Variants in DNAH3 observed in about 807,000 individuals in gnomAD.
DNAH3 encodes dynein axonemal heavy chain 3, also known as axonemal beta dynein heavy chain 3.
A neutral mutation model predicts 432.5 loss-of-function variants in DNAH3; 332 were observed. That is an observed-to-expected ratio of 0.77 (90% CI 0.70 to 0.84). The LOEUF (loss-of-function observed/expected upper bound fraction) is 0.84. Ranked by LOEUF, DNAH3 falls within the 40% of genes least tolerant of loss-of-function variation. The pLI is 0.00. For missense variants in DNAH3, 4,861 were observed against 5,114.0 expected, an observed-to-expected ratio of 0.95 and a Z score of 1.51; for synonymous variants, 1,956 against 1,900.2, an observed-to-expected ratio of 1.03 and a Z score of -0.76.
intron 21 of DNAH3, among the ~76,000 whole-genome samples, chr16:21,071,193 A>G (rs1162197837): frequency 4.0e-5 from 6 of 151,810 alleles, no homozygotes; most frequent in Admixed American, 2.6e-4. Context: ...CAGGCAAATG[A>G]CACCACGCCC....
chr16:21,142,833 T>C (rs2092738092), intron 3 of DNAH3, among the ~76,000 whole-genome samples: 1 of 152,022 alleles, frequency 6.6e-6, no homozygotes, highest in Admixed American at 6.6e-5. Context: ...TTCCTATCTT[T>C]TGTAGAGACG....
exon 57 of DNAH3, chr16:20,948,602 T>C (rs1460093782): frequency 6.2e-7 from 1 of 1,614,034 alleles, no homozygotes; most frequent in South Asian, 1.1e-5. Flanking sequence ...CGCCGGTCTT[T>C]GTCATCAGTC....
chr16:21,020,573 T>C (rs2088156099), intron 40 of DNAH3, among the ~76,000 whole-genome samples: 1 of 149,888 alleles, frequency 6.7e-6, no homozygotes, highest in Admixed American at 6.7e-5. Flanking sequence ...CTGCTAATTT[T>C]TGTATTTTTA....
At chr16:21,133,574 T>C (rs6497532) in intron 7 of DNAH3, among the ~76,000 whole-genome samples, 42,890 of 151,580 alleles carry the variant, frequency 0.28, 6,213 homozygotes, top group African/African-American at 0.34. Flanking sequence ...AACCCCATCT[T>C]GACTAAAGAT....
At chr16:20,970,180 G>A (rs924086121) in intron 51 of DNAH3, among the ~76,000 whole-genome samples, 190 bp from the exon 52 acceptor site, 2 of 152,158 alleles carry the variant, frequency 1.3e-5, no homozygotes, top group African/African-American at 4.8e-5. Flanking sequence ...ACACATGCAT[G>A]GCCTTTTGGG....
chr16:20,965,538 G>T, intron 52 of DNAH3, 113 bp from the exon 53 acceptor site: 1 of 900,598 alleles, frequency 1.1e-6, no homozygotes, highest in Non-Finnish European at 1.6e-6. Flanking sequence ...AACATGGTCT[G>T]AGAGGCCCAG....
chr16:21,055,157 A>G (rs1488036984), intron 27 of DNAH3, among the ~76,000 whole-genome samples: 2 of 151,506 alleles, frequency 1.3e-5, no homozygotes, highest in Non-Finnish European at 2.9e-5. Flanking sequence ...ATTTATTTTG[A>G]GACAGAGCCT....
intron 57 of DNAH3, among the ~76,000 whole-genome samples, chr16:20,946,837 T>C (rs2084068627): frequency 1.4e-5 from 2 of 145,330 alleles, no homozygotes; most frequent in African/African-American, 5.1e-5. Flanking sequence ...TTTTTTTTTT[T>C]TTTTTTTGAG....
At position 20,954,582 on chromosome 16, in the gene DNAH3, G is replaced by A. The variant is rs144535279; in HGVS notation, c.11071+231C>T. 3.2e-3 allele frequency among the ~76,000 whole-genome samples: 489 copies of A among 152,062 alleles called. 3 individuals carry two copies. The highest frequency in any genetic ancestry group is 0.011 in the African/African-American group (456 of 41,468). On this transcript the variant is annotated intron_variant, in intron 55 of 61. Transcript: ENST00000261383. Reference sequence around the variant, plus strand: ...TGGGATTAAAGGCACAAGTCACCACGCCCAGCCAGGTTGTCAGATTTAGCA... The same window carrying A: ...TGGGATTAAAGGCACAAGTCACCACACCCAGCCAGGTTGTCAGATTTAGCA...
chr16:20,944,158 A>AAAG (rs543157288), intron 58 of DNAH3, among the ~76,000 whole-genome samples: 3 of 151,176 alleles, frequency 2.0e-5, no homozygotes, highest in African/African-American at 4.9e-5. Context: ...TTAAAAAAAA[A>AAAG]AGAGAGTTAG....
At position 20,987,544 on chromosome 16, in the gene DNAH3, T is replaced by C. The variant is rs985515406; in HGVS notation, c.6883-96A>G. On this transcript the variant is annotated intron_variant, in intron 46 of 61. Coordinates refer to ENST00000261383, the Ensembl canonical transcript of DNAH3. ...TAAGTCCTGGGGTTGATTTGAGGAT[T>C]GAACTAGATAATGTTTATAAAATGC... 3.2e-6 allele frequency: 5 copies of C among 1,552,738 alleles called. No homozygotes were observed. In the African/African-American group the frequency reaches 5.5e-5, roughly 17 times the overall value.
At chr16:21,050,890 A>T (rs987096959) in intron 29 of DNAH3, among the ~76,000 whole-genome samples, 34 of 152,192 alleles carry the variant, frequency 2.2e-4, no homozygotes, top group African/African-American at 8.2e-4. Flanking sequence ...CCATGGTATG[A>T]GTTTCTATGT....
rs199648098 is a variant in DNAH3 at position 21,072,217 on chromosome 16, T to TTTAATTAA, written c.3085-1399_3085-1392dup. Among the ~76,000 whole-genome samples, 591 of 141,584 alleles carry TTTAATTAA rather than the reference T, an allele frequency of 4.2e-3. 1 individual carries two copies. Among genetic ancestry groups the TTTAATTAA allele is most frequent in the African/African-American group, 0.015 (565 of 37,374 alleles). 92.9% of individuals were successfully genotyped at this position (141,584 alleles called of 152,430 possible). The stretch of plus-strand genomic sequence containing the variant: ...AACCAAGAAAGTTTGGGGACCTTTG[T>TTTAATTAA]TTAATTAATTAATTAATTAATTAAT... On this transcript the variant is annotated intron_variant, in intron 21 of 61. Coordinates refer to ENST00000261383, the Ensembl canonical transcript of DNAH3.
At chr16:21,112,616 G>A (rs373054168) in intron 12 of DNAH3, among the ~76,000 whole-genome samples, 2 of 152,082 alleles carry the variant, frequency 1.3e-5, no homozygotes, top group Non-Finnish European at 2.9e-5. Context: ...CTCCCCCTGC[G>A]TCTTTCCCAC....
intron 48 of DNAH3, 133 bp from the exon 49 acceptor site, chr16:20,983,019 G>A (rs1321586894): frequency 4.5e-6 from 4 of 886,594 alleles, no homozygotes; most frequent in Non-Finnish European, 7.1e-6. Flanking sequence ...GGATGTGACT[G>A]TCAATGGCCA....
At chr16:20,977,936 C>G (rs2085670489) in intron 50 of DNAH3, among the ~76,000 whole-genome samples, 1 of 152,196 alleles carries the variant, frequency 6.6e-6, no homozygotes, top group African/African-American at 2.4e-5. Context: ...AGGAACAGAG[C>G]AACAGAGGCC....
chr16:21,053,275 A>T (rs992162160), intron 28 of DNAH3, among the ~76,000 whole-genome samples: 4 of 152,160 alleles, frequency 2.6e-5, no homozygotes, highest in African/African-American at 9.7e-5. Flanking sequence ...CTTCCCAAGG[A>T]ATTTAATTCC....
At chr16:21,075,604 A>G (rs2090947653) in intron 20 of DNAH3, 43 bp from the exon 21 acceptor site, 1 of 1,462,488 alleles carries the variant, frequency 6.8e-7, no homozygotes, top group South Asian at 1.1e-5. Flanking sequence ...CAGGAGGCAG[A>G]GAAGACACAT....
In DNAH3 at chr16:20,979,633, A is replaced by G. The variant is rs2085763223; in HGVS notation, c.7860-87T>C. The G allele has an allele frequency of 4.2e-6, 5 of 1,204,306 alleles. No homozygotes were observed. In the Admixed American group the frequency reaches 8.9e-5, roughly 21 times the overall value. 74.6% of individuals were successfully genotyped at this position (1,204,306 alleles called of 1,614,324 possible). On this transcript the variant is annotated intron_variant, in intron 49 of 61. Coordinates refer to ENST00000261383, the Ensembl canonical transcript of DNAH3. Reference sequence around the variant, plus strand: ...CTTTAGTTATAGACATGAGGATATGAGAAGGCACATACACTGACTGTGACA... The same window carrying G: ...CTTTAGTTATAGACATGAGGATATGGGAAGGCACATACACTGACTGTGACA...
Sources: gnomAD v4.1 joint callset for allele counts (sites outside exome capture counted in the v4.1 genomes callset) on GRCh38, gnomAD v4.1.1 for gene constraint, MANE v1.5 for transcripts, NCBI Gene and HGNC (gene_info 2026-07-23, HGNC 2026-07-21) for gene names.